THSD7A: variants seen among roughly 807,000 people sequenced by gnomAD.
THSD7A encodes the protein thrombospondin type-1 domain-containing protein 7A.
In THSD7A, 96 loss-of-function variants were observed where a neutral mutation model predicts 231.3. The ratio of observed to expected loss-of-function variants is 0.41; its 90% CI spans 0.35 to 0.49. The LOEUF (loss-of-function observed/expected upper bound fraction) is 0.49. THSD7A is among the 20% of genes least tolerant of loss of function. The pLI, the probability that THSD7A is intolerant of heterozygous loss-of-function variation, is 0.05. For missense variants in THSD7A, 2,290 were observed against 2,070.2 expected, an observed-to-expected ratio of 1.11 and a Z score of -2.06; for synonymous variants, 940 against 743.3, an observed-to-expected ratio of 1.26 and a Z score of -4.30.
intron 6 of THSD7A, among the ~76,000 whole-genome samples, chr7:11,487,732 A>C (rs976158344): frequency 6.6e-6 from 1 of 152,100 alleles, no homozygotes; most frequent in Non-Finnish European, 1.5e-5. Context: ...CCATTGAAAA[A>C]AACTACCAGA....
chr7:11,496,213 T>C (rs925783322), intron 6 of THSD7A, among the ~76,000 whole-genome samples: 1 of 152,114 alleles, frequency 6.6e-6, no homozygotes, highest in Non-Finnish European at 1.5e-5. Flanking sequence ...CCAACAACTC[T>C]ATGAAGTAGA....
chr7:11,815,250 A>T (rs1037968974), intron 1 of THSD7A, among the ~76,000 whole-genome samples: 4 of 151,576 alleles, frequency 2.6e-5, no homozygotes, highest in Non-Finnish European at 4.4e-5. Flanking sequence ...GTCCTTTATG[A>T]GATTTTTTTG....
intron 13 of THSD7A, among the ~76,000 whole-genome samples, chr7:11,441,996 T>C (rs796648083): frequency 9.9e-5 from 15 of 152,066 alleles, no homozygotes; most frequent in African/African-American, 2.9e-4. Flanking sequence ...AAAAAAAGCA[T>C]AAAAAACTGC....
At chr7:11,671,249 A>G (rs78237016) in intron 1 of THSD7A, among the ~76,000 whole-genome samples, 2,791 of 152,278 alleles carry the variant, frequency 0.018, 96 homozygotes, top group African/African-American at 0.064. Flanking sequence ...AGCTCCTTTG[A>G]TAGCTTCTGG....
intron 1 of THSD7A, among the ~76,000 whole-genome samples, chr7:11,662,220 C>T (rs1259269879): frequency 6.6e-6 from 1 of 150,954 alleles, no homozygotes; most frequent in Non-Finnish European, 1.5e-5. Flanking sequence ...CTATATATTG[C>T]TTATAAGAAT....
chr7:11,539,281 A>G (rs1291628805), intron 6 of THSD7A, among the ~76,000 whole-genome samples: 1 of 152,192 alleles, frequency 6.6e-6, no homozygotes, highest in Non-Finnish European at 1.5e-5. Context: ...AGTGAGTTCT[A>G]GGATTCATAA....
chr7:11,413,435 G>A (rs1317301850), intron 17 of THSD7A, among the ~76,000 whole-genome samples: 1 of 151,850 alleles, frequency 6.6e-6, no homozygotes, highest in African/African-American at 2.4e-5. Flanking sequence ...CAAGCCCTTT[G>A]GAAAAACTCA....
Position 11,474,705 on chromosome 7 carries a change from A to G in THSD7A, c.2018-137T>C, listed in dbSNP as rs1403469791. On this transcript the variant is annotated intron_variant, in intron 7 of 27. Coordinates refer to ENST00000423059, the MANE Select transcript of THSD7A (RefSeq NM_015204.3). This position sits in a 1 kb window ranked among gnomAD's most constrained non-coding sequence, Gnocchi z 4.1. The stretch of plus-strand genomic sequence containing the variant: ...CACATCAAGTTCATAAATACACGCA[A>G]TATTTATGTGAGATGCTTCAAGGGA... 1.7e-5 allele frequency: 11 copies of G among 663,034 alleles called. No individual in the cohort carries two copies. The highest frequency in any genetic ancestry group is 6.1e-5 in the Admixed American group (2 of 32,770). 41.1% of individuals were successfully genotyped at this position (663,034 alleles called of 1,614,324 possible). A position where few individuals can be genotyped will look rare whatever the true frequency, so the allele number is the denominator to read the frequency against.
intron 1 of THSD7A, among the ~76,000 whole-genome samples, chr7:11,800,770 C>T (rs960053299): frequency 6.6e-6 from 1 of 152,064 alleles, no homozygotes; most frequent in African/African-American, 2.4e-5. Context: ...TATAAAGTTT[C>T]TATTATGCAA....
At chr7:11,602,278 A>G (rs1294632823) in intron 2 of THSD7A, among the ~76,000 whole-genome samples, 2 of 152,136 alleles carry the variant, frequency 1.3e-5, no homozygotes, top group Non-Finnish European at 2.9e-5. Flanking sequence ...TATATAATAT[A>G]CATGTATGTG....
In THSD7A at chr7:11,636,382, A is replaced by G. The variant is rs1781847319; in HGVS notation, c.770T>C (p.Val257Ala). The G allele has an allele frequency of 9.3e-6, 15 of 1,613,820 alleles. No individual in the cohort carries two copies. Among genetic ancestry groups the G allele is most frequent in the Non-Finnish European group, 1.2e-5 (14 of 1,179,880 alleles). ...CATTGAGCAGGTGCTCCAGGGCCCCACATGCAGGCTGTACCTGAGCTCCTC... is the reference window on the plus strand; with the variant it reads ...CATTGAGCAGGTGCTCCAGGGCCCCGCATGCAGGCTGTACCTGAGCTCCTC... Reference protein sequence around the residue: ...EAEELRYSLHVGPWSTCSMPH... With the variant: ...EAEELRYSLHAGPWSTCSMPH... The change falls in exon 2 of 28, where the codon GTG becomes GCG. Residue 257 changes from valine (V) to alanine (A), a missense_variant. Physicochemically the swap from Val to Ala is moderately conservative, Grantham distance 64. Transcript: ENST00000423059. The surrounding 1 kb of genome is among the most constrained non-coding windows in gnomAD (Gnocchi z 10.0).
intron 1 of THSD7A, among the ~76,000 whole-genome samples, chr7:11,701,285 T>C (rs1184211147): frequency 6.6e-6 from 1 of 151,216 alleles, no homozygotes; most frequent in Non-Finnish European, 1.5e-5. Flanking sequence ...ATTCATTTTA[T>C]ATACAATTCA....
At chr7:11,801,805 C>A (rs1784285372) in intron 1 of THSD7A, among the ~76,000 whole-genome samples, 1 of 152,088 alleles carries the variant, frequency 6.6e-6, no homozygotes, top group African/African-American at 2.4e-5. Context: ...CATTTTAAAA[C>A]TCTATGTACT....
intron 22 of THSD7A, among the ~76,000 whole-genome samples, chr7:11,404,748 T>C (rs1047745713): frequency 1.3e-5 from 2 of 152,162 alleles, no homozygotes; most frequent in Non-Finnish European, 2.9e-5. Flanking sequence ...TTTTACTTTA[T>C]TTTTAAATTT....
intron 1 of THSD7A, among the ~76,000 whole-genome samples, chr7:11,782,785 T>C (rs548354817): frequency 6.6e-6 from 1 of 152,190 alleles, no homozygotes; most frequent in Non-Finnish European, 1.5e-5. Flanking sequence ...TAAATGAATT[T>C]TTTTTTAGCA....
intron 1 of THSD7A, among the ~76,000 whole-genome samples, chr7:11,702,552 G>C (rs1437096584): frequency 1.3e-5 from 2 of 151,116 alleles, no homozygotes; most frequent in African/African-American, 4.8e-5. Context: ...GATGTTTCTG[G>C]GCAGGCCGAT....
intron 1 of THSD7A, among the ~76,000 whole-genome samples, chr7:11,773,017 T>A (rs1243567837): frequency 1.3e-5 from 2 of 151,886 alleles, no homozygotes; most frequent in African/African-American, 4.8e-5. Context: ...CATACAGAAA[T>A]CAACAATAAT....
At chr7:11,736,262 A>T (rs1312046394) in intron 1 of THSD7A, among the ~76,000 whole-genome samples, 1 of 152,026 alleles carries the variant, frequency 6.6e-6, no homozygotes, top group East Asian at 1.9e-4. Context: ...GGTCCACATG[A>T]TAGGAGTAAG....
chr7:11,720,633 CTCTA>C (rs1465896972), intron 1 of THSD7A, among the ~76,000 whole-genome samples: 1 of 151,598 alleles, frequency 6.6e-6, no homozygotes, highest in Non-Finnish European at 1.5e-5. Flanking sequence ...TTTCTTTTTC[CTCTA>C]TCTATAAGGA....
Sources: allele counts gnomAD v4.1 joint callset (sites outside exome capture counted in the v4.1 genomes callset), GRCh38; gene constraint gnomAD v4.1.1; non-coding constraint Gnocchi (gnomAD v3.1); transcripts MANE v1.5; gene names NCBI Gene and HGNC (gene_info 2026-07-23, HGNC 2026-07-21).